The following COL21A1 variants were observed in gnomAD, a reference collection of about 807,000 sequenced individuals.
COL21A1 encodes collagen type XXI alpha 1 chain, also known as collagen alpha-1(XXI) chain.
In COL21A1, 149 loss-of-function variants were observed where a neutral mutation model predicts 137.9. The ratio of observed to expected loss-of-function variants is 1.08; its 90% confidence interval spans 0.95 to 1.24. The LOEUF (loss-of-function observed/expected upper bound fraction) is 1.24. COL21A1 is among the 50% of genes most tolerant of loss of function. The pLI, the probability that COL21A1 is intolerant of heterozygous loss-of-function variation, is 0.00. For synonymous variants in COL21A1, 456 were observed against 391.5 expected (o/e 1.16, Z -1.95); for missense variants, 1,167 against 1,158.4 (o/e 1.01, Z -0.11).
Position 56,064,593 on chromosome 6 carries a change from T to C in COL21A1, c.2157A>G (p.Gly719=). 6.3e-7 allele frequency: 1 copy of C among 1,595,896 alleles called. No homozygotes were observed. ...CAAAAAATACCTGTTGCCCTGGAAT[T>C]CCCTGTCTTCCATTTTCTCCCTTTT... ...QGQKGENGRQ[G]IPGQQGIQGH... is the part of the protein sequence containing the mutation. Residue 719 remains glycine, a synonymous_variant, in exon 24 of 30, where the codon GGA becomes GGG. Coordinates refer to ENST00000244728, the MANE Select transcript of COL21A1 (RefSeq NM_030820.4).
chr6:56,185,113 T>C (rs1382034992), intron 1 of COL21A1, among the ~76,000 whole-genome samples: 3 of 151,034 alleles, frequency 2.0e-5, no homozygotes, highest in African/African-American at 7.3e-5. Flanking sequence ...AAAGCATATA[T>C]TAAAAAAAAG....
intron 2 of COL21A1, among the ~76,000 whole-genome samples, chr6:56,182,044 CT>C (rs869186861): frequency 3.9e-5 from 6 of 151,926 alleles, no homozygotes; most frequent in East Asian, 3.9e-4. Flanking sequence ...CATAAGCAAA[CT>C]TTTTTTTAAA....
intron 1 of COL21A1, among the ~76,000 whole-genome samples, chr6:56,311,907 G>C (rs1320274037): frequency 1.3e-5 from 2 of 152,320 alleles, no homozygotes; most frequent in East Asian, 3.9e-4. Context: ...TTTCTGGAGT[G>C]GGGGATGCCT....
intron 12 of COL21A1, among the ~76,000 whole-genome samples, chr6:56,128,558 G>A (rs1457167090): frequency 6.6e-6 from 1 of 152,196 alleles, no homozygotes; most frequent in Non-Finnish European, 1.5e-5. Context: ...TATGTCTCTA[G>A]TTTATAGGAC....
At chr6:56,362,182 A>G (rs906602620) in intron 1 of COL21A1, among the ~76,000 whole-genome samples, 3 of 152,238 alleles carry the variant, frequency 2.0e-5, no homozygotes, top group Non-Finnish European at 4.4e-5. Flanking sequence ...AGATACTAGC[A>G]GTATAGCAAG....
intron 1 of COL21A1, among the ~76,000 whole-genome samples, chr6:56,183,501 T>G (rs560455543): frequency 1.2e-4 from 18 of 152,266 alleles, no homozygotes; most frequent in African/African-American, 3.9e-4. Context: ...CAACAAGCAT[T>G]CCTTCATTCA....
chr6:56,096,718 C>G (rs990545089), intron 17 of COL21A1, among the ~76,000 whole-genome samples: 2 of 152,120 alleles, frequency 1.3e-5, no homozygotes, highest in African/African-American at 4.8e-5. Context: ...CTGACATAAG[C>G]TGTGTTTAAT....
chr6:56,148,010 C>T (rs1036586130), intron 10 of COL21A1, among the ~76,000 whole-genome samples: 4 of 152,066 alleles, frequency 2.6e-5, no homozygotes, highest in Admixed American at 1.3e-4. Flanking sequence ...TTTAAATGCT[C>T]CCAGTTATGC....
At chr6:56,166,580 C>T (rs1270410203) in intron 7 of COL21A1, among the ~76,000 whole-genome samples, 2 of 152,004 alleles carry the variant, frequency 1.3e-5, no homozygotes, top group Admixed American at 6.6e-5. Context: ...TGAACCCAGA[C>T]GCGGAGGTTG....
intron 1 of COL21A1, among the ~76,000 whole-genome samples, chr6:56,202,394 A>G (rs923181460): frequency 7.2e-5 from 11 of 152,206 alleles, no homozygotes; most frequent in African/African-American, 2.7e-4. Flanking sequence ...ATCTCCCCTA[A>G]ATTTAATGGA....
intron 1 of COL21A1, among the ~76,000 whole-genome samples, chr6:56,335,461 A>C (rs1486368121): frequency 1.3e-5 from 2 of 152,178 alleles, no homozygotes; most frequent in African/African-American, 4.8e-5. Flanking sequence ...GCCAGGATTT[A>C]ATTTATAACT....
intron 1 of COL21A1, among the ~76,000 whole-genome samples, chr6:56,386,366 G>A (rs975837543): frequency 1.4e-4 from 22 of 152,194 alleles, no homozygotes; most frequent in African/African-American, 5.1e-4. Flanking sequence ...TGTGAATAGT[G>A]CTGCTATACA....
At chr6:56,262,078 C>A (rs1450234677) in intron 1 of COL21A1, among the ~76,000 whole-genome samples, 1 of 152,206 alleles carries the variant, frequency 6.6e-6, no homozygotes, top group African/African-American at 2.4e-5. Flanking sequence ...AGAAATTTTA[C>A]TTATTAATGC....
chr6:56,170,033 A>T (rs1357524568), intron 5 of COL21A1, among the ~76,000 whole-genome samples: 1 of 151,934 alleles, frequency 6.6e-6, no homozygotes, highest in African/African-American at 2.4e-5. Context: ...AAACTTAATT[A>T]CTTTTATTAT....
chr6:56,192,650 C>T (rs760027129), intron 1 of COL21A1, among the ~76,000 whole-genome samples: 1 of 152,132 alleles, frequency 6.6e-6, no homozygotes, highest in Non-Finnish European at 1.5e-5. Flanking sequence ...CATCTCATGC[C>T]AGTTAGAATG....
intron 10 of COL21A1, among the ~76,000 whole-genome samples, chr6:56,147,648 G>A (rs925433887): frequency 4.6e-5 from 7 of 152,056 alleles, no homozygotes; most frequent in Non-Finnish European, 7.4e-5. Flanking sequence ...TAACATTGGT[G>A]TGTATATATA....
intron 1 of COL21A1, chr6:56,276,743 A>G (rs1276132926): frequency 3.0e-6 from 4 of 1,312,904 alleles, no homozygotes; most frequent in Non-Finnish European, 4.4e-6. Context: ...AACTGCCATC[A>G]AGTATCCAAA....
intron 1 of COL21A1, among the ~76,000 whole-genome samples, chr6:56,198,771 A>T (rs1779195399): frequency 6.6e-6 from 1 of 152,136 alleles, no homozygotes; most frequent in Admixed American, 6.6e-5. Context: ...GGGTCATTAG[A>T]CACTTTGCCT....
rs1442426909 is a variant in COL21A1 at position 56,260,698 on chromosome 6, AGGC to A, written c.-38-78045_-38-78043del. ...AAGGAAGGAAGGAAGGAAGGCAGGC[AGGC>A]AGGCAGGCAGGCAGGAAGGGAGGCA... On this transcript the variant is annotated intron_variant, in intron 1 of 28. Transcript: ENST00000370819. Among the ~76,000 whole-genome samples, 18 of 140,752 alleles carry A rather than the reference AGGC, an allele frequency of 1.3e-4. 1 individual carries two copies. Among genetic ancestry groups the A allele is most frequent in the African/African-American group, 2.6e-4 (10 of 39,014 alleles). The allele number at this position is 140,752 out of a possible 152,430, so 92.3% of individuals were successfully genotyped here.
Sources: gnomAD v4.1 joint callset for allele counts (sites outside exome capture counted in the v4.1 genomes callset) on GRCh38, gnomAD v4.1.1 for gene constraint, MANE v1.5 for transcripts, NCBI Gene and HGNC (gene_info 2026-07-23, HGNC 2026-07-21) for gene names.